The following PLEKHA7 variants were observed in gnomAD, a reference collection of about 807,000 sequenced individuals.
PLEKHA7 encodes the protein pleckstrin homology domain containing A7.
PLEKHA7 carries 104 observed loss-of-function variants against 170.0 expected under a neutral mutation model. That is an observed-to-expected ratio of 0.61 (90% CI 0.52 to 0.72). The LOEUF (loss-of-function observed/expected upper bound fraction) is 0.72, where lower values mean the gene tolerates loss of function less well. Ranked by LOEUF, PLEKHA7 falls within the 30% of genes least tolerant of loss-of-function variation. PLEKHA7 has a pLI of 0.00. For synonymous variants in PLEKHA7, 648 were observed against 660.8 expected (o/e 0.98, Z 0.30); for missense variants, 1,615 against 1,671.7 (o/e 0.97, Z 0.59).
At chr11:16,787,004 A>C (rs1849445396) in intron 23 of PLEKHA7, 1 of 985,064 alleles carries the variant, frequency 1.0e-6, no homozygotes. Context: ...AATTAGAAAA[A>C]AAAACTAAAT....
chr11:16,873,851 G>A (rs562883527), intron 3 of PLEKHA7, among the ~76,000 whole-genome samples: 10 of 152,190 alleles, frequency 6.6e-5, no homozygotes, highest in African/African-American at 2.2e-4. Flanking sequence ...ATTTTTAGTA[G>A]AGGCAGGGTT....
chr11:16,859,981 A>C (rs981200327), intron 4 of PLEKHA7, among the ~76,000 whole-genome samples: 3 of 152,252 alleles, frequency 2.0e-5, no homozygotes, highest in Non-Finnish European at 2.9e-5. Flanking sequence ...TGATTAACAA[A>C]GACTTCTCTC....
intron 10 of PLEKHA7, among the ~76,000 whole-genome samples, chr11:16,824,441 G>C (rs1045787418): frequency 6.6e-6 from 1 of 152,166 alleles, no homozygotes; most frequent in Non-Finnish European, 1.5e-5. Context: ...AAATGCCCGA[G>C]GTGATGGACA....
At chr11:16,787,789 T>C (rs548807382) in intron 23 of PLEKHA7, 1 of 152,368 alleles carries the variant, frequency 6.6e-6, no homozygotes, top group East Asian at 1.9e-4. Flanking sequence ...CATCAAATTA[T>C]AAAAGGTCAG....
intron 9 of PLEKHA7, among the ~76,000 whole-genome samples, chr11:16,841,110 C>T (rs367992): frequency 0.62 from 94,643 of 152,052 alleles, 30,065 homozygotes; most frequent in East Asian, 0.87. Context: ...GGGAATCACC[C>T]ACAGCCAACA....
chr11:16,803,320 G>T (rs766721895), intron 13 of PLEKHA7, 25 bp from the exon 14 acceptor site: 35 of 1,596,752 alleles, frequency 2.2e-5, no homozygotes, highest in Admixed American at 6.7e-5. Flanking sequence ...ATTTAAAAGA[G>T]ATTTAACCAT....
At chr11:16,987,069 G>C (rs771555215) in intron 3 of PLEKHA7, among the ~76,000 whole-genome samples, 3 of 152,162 alleles carry the variant, frequency 2.0e-5, no homozygotes, top group Non-Finnish European at 4.4e-5. Flanking sequence ...TGCCCCAAAT[G>C]GGAAATTTGC....
chr11:16,976,324 G>A (rs1180546421), intron 3 of PLEKHA7, among the ~76,000 whole-genome samples: 1 of 152,228 alleles, frequency 6.6e-6, no homozygotes, highest in Non-Finnish European at 1.5e-5. Flanking sequence ...CAGAAGAAGG[G>A]AGAGTGCTCC....
intron 4 of PLEKHA7, among the ~76,000 whole-genome samples, chr11:16,859,917 A>C (rs1396805619): frequency 6.6e-6 from 1 of 152,254 alleles, no homozygotes; most frequent in African/African-American, 2.4e-5. Context: ...CTATTGACTT[A>C]AAAGCCTGTT....
chr11:16,913,090 G>A (rs1343995092), intron 3 of PLEKHA7, among the ~76,000 whole-genome samples: 2 of 152,152 alleles, frequency 1.3e-5, no homozygotes, highest in Non-Finnish European at 2.9e-5. Flanking sequence ...GCCCAGGGTG[G>A]GACCTTTCCC....
chr11:16,904,410 T>G (rs1857524751), intron 3 of PLEKHA7, among the ~76,000 whole-genome samples: 1 of 152,224 alleles, frequency 6.6e-6, no homozygotes, highest in South Asian at 2.1e-4. Flanking sequence ...AATAAGGTGT[T>G]TATACTTGAT....
At chr11:16,801,919 G>T (rs1200743521) in intron 15 of PLEKHA7, 102 bp from the exon 16 acceptor site, 2 of 1,427,292 alleles carry the variant, frequency 1.4e-6, no homozygotes, top group Admixed American at 3.7e-5. Flanking sequence ...AACCAAGGCC[G>T]AAGGGATCAG....
chr11:16,804,694 T>C (rs1426259908), intron 13 of PLEKHA7, among the ~76,000 whole-genome samples: 4 of 152,234 alleles, frequency 2.6e-5, no homozygotes, highest in Non-Finnish European at 4.4e-5. Context: ...CAAATGCTTA[T>C]TGAATTGCAT....
intron 6 of PLEKHA7, 79 bp downstream of exon 6, chr11:16,854,810 T>C (rs951682919): frequency 1.3e-5 from 17 of 1,282,200 alleles, no homozygotes; most frequent in Non-Finnish European, 1.8e-5. Context: ...TGCCCATCCC[T>C]AGCTTCCTGG....
At chr11:17,001,077 G>A (rs1864634827) in intron 3 of PLEKHA7, among the ~76,000 whole-genome samples, 1 of 152,118 alleles carries the variant, frequency 6.6e-6, no homozygotes, top group Non-Finnish European at 1.5e-5. Context: ...GGTCTCTCCT[G>A]CCTTGGGCTG....
chr11:16,845,516 A>T (rs1377069215), intron 8 of PLEKHA7, among the ~76,000 whole-genome samples: 1 of 152,066 alleles, frequency 6.6e-6, no homozygotes, highest in Non-Finnish European at 1.5e-5. Context: ...ACAGGAATGC[A>T]CCACCATGCC....
intron 9 of PLEKHA7, among the ~76,000 whole-genome samples, chr11:16,837,420 G>A (rs1426650650): frequency 6.6e-6 from 1 of 152,046 alleles, no homozygotes; most frequent in African/African-American, 2.4e-5. Flanking sequence ...CTCTCATCTA[G>A]CATCCTAGTC....
intron 9 of PLEKHA7, among the ~76,000 whole-genome samples, chr11:16,832,887 T>C (rs906563385): frequency 5.9e-5 from 9 of 152,046 alleles, no homozygotes; most frequent in African/African-American, 2.2e-4. Flanking sequence ...AGATCCTGGG[T>C]CCTGAGCACT....
At chr11:16,929,597 C>A (rs1859784176) in intron 3 of PLEKHA7, among the ~76,000 whole-genome samples, 2 of 152,230 alleles carry the variant, frequency 1.3e-5, no homozygotes, top group African/African-American at 4.8e-5. Context: ...GCCTCCCCCG[C>A]TTCTTGGTAA....
Sources: gnomAD v4.1 joint callset for allele counts (sites outside exome capture counted in the v4.1 genomes callset) on GRCh38, gnomAD v4.1.1 for gene constraint, MANE v1.5 for transcripts, NCBI Gene and HGNC (gene_info 2026-07-23, HGNC 2026-07-21) for gene names.